Variants in NRXN3 observed in about 807,000 individuals in gnomAD.
NRXN3 encodes the protein neurexin 3.
In NRXN3, 32 loss-of-function variants were observed where a neutral mutation model predicts 137.6. The ratio of observed to expected loss-of-function variants is 0.23; its 90% CI spans 0.18 to 0.31. The LOEUF (loss-of-function observed/expected upper bound fraction) is 0.31, where lower values mean the gene tolerates loss of function less well. Among genes scored for constraint, NRXN3 ranks in the 10% least tolerant of loss-of-function variants. NRXN3 has a pLI of 1.00. For synonymous variants in NRXN3, 798 were observed against 784.5 expected, an observed-to-expected ratio of 1.02 and a Z score of -0.29; for missense variants, 1,574 against 2,062.5, an observed-to-expected ratio of 0.76 and a Z score of 4.59.
intron 15 of NRXN3, among the ~76,000 whole-genome samples, chr14:79,428,985 AGT>A (rs1212265828): frequency 6.6e-6 from 1 of 152,190 alleles, no homozygotes; most frequent in Non-Finnish European, 1.5e-5. Flanking sequence ...TTATGAGAAA[AGT>A]GTGTTTTTAA....
intron 19 of NRXN3, among the ~76,000 whole-genome samples, chr14:79,703,095 C>T (rs2098761681): frequency 6.6e-6 from 1 of 152,092 alleles, no homozygotes; most frequent in African/African-American, 2.4e-5. Flanking sequence ...CAATGCTCAG[C>T]ATGGATTGGA....
At chr14:78,753,157 G>T (rs925659380) in intron 8 of NRXN3, among the ~76,000 whole-genome samples, 13 of 152,134 alleles carry the variant, frequency 8.5e-5, no homozygotes, top group Non-Finnish European at 1.5e-4. Flanking sequence ...AAAATGAATT[G>T]CCTCCAAATT....
chr14:79,729,751 G>A (rs1429836271), intron 19 of NRXN3, among the ~76,000 whole-genome samples: 3 of 152,156 alleles, frequency 2.0e-5, no homozygotes, highest in Middle Eastern at 3.2e-3. Flanking sequence ...GCTCTGTGCT[G>A]GGAATTTTGT....
intron 10 of NRXN3, among the ~76,000 whole-genome samples, chr14:78,829,984 C>T (rs574682015): frequency 1.4e-4 from 21 of 152,058 alleles, no homozygotes; most frequent in African/African-American, 5.1e-4. Context: ...TAAGAATTGC[C>T]GAAAGAGAGG....
At chr14:79,304,205 G>A (rs2085644775) in intron 15 of NRXN3, among the ~76,000 whole-genome samples, 1 of 151,976 alleles carries the variant, frequency 6.6e-6, no homozygotes, top group Admixed American at 6.6e-5. Context: ...CCCCATTAGG[G>A]GACAGTTCAT....
chr14:78,336,096 T>C (rs990040741), intron 4 of NRXN3, among the ~76,000 whole-genome samples: 27 of 152,022 alleles, frequency 1.8e-4, no homozygotes, highest in African/African-American at 5.8e-4. Flanking sequence ...CCCACCCCCA[T>C]AGAGTATGAT....
intron 15 of NRXN3, among the ~76,000 whole-genome samples, chr14:79,427,041 G>A (rs1001635025): frequency 2.6e-5 from 4 of 152,100 alleles, no homozygotes; most frequent in Non-Finnish European, 5.9e-5. Context: ...TATTTGATCA[G>A]TTTTTTCCTT....
chr14:79,803,845 A>C (rs2099191392), intron 19 of NRXN3, among the ~76,000 whole-genome samples: 1 of 151,098 alleles, frequency 6.6e-6, no homozygotes, highest in African/African-American at 2.4e-5. Context: ...CCTGTCCCAA[A>C]AGACGGTTGT....
intron 15 of NRXN3, among the ~76,000 whole-genome samples, chr14:79,136,647 G>A (rs960763792): frequency 3.3e-5 from 5 of 152,112 alleles, no homozygotes; most frequent in Non-Finnish European, 5.9e-5. Flanking sequence ...CTCACAATGG[G>A]GCCAAGGTCT....
intron 15 of NRXN3, among the ~76,000 whole-genome samples, chr14:79,073,981 T>C (rs971576855): frequency 1.6e-4 from 25 of 152,206 alleles, no homozygotes; most frequent in African/African-American, 6.0e-4. Flanking sequence ...GAAAAGTACC[T>C]GCCATATGGT....
chr14:79,495,953 A>C (rs775687429), intron 16 of NRXN3, among the ~76,000 whole-genome samples: 55 of 151,776 alleles, frequency 3.6e-4, no homozygotes, highest in African/African-American at 1.1e-3. Flanking sequence ...GTGCTAAAAA[A>C]AAAAAACAAA....
intron 15 of NRXN3, among the ~76,000 whole-genome samples, chr14:79,108,289 C>A (rs1006187680): frequency 1.3e-5 from 2 of 152,070 alleles, no homozygotes; most frequent in African/African-American, 2.4e-5. Context: ...ATAGACAGAC[C>A]AATTCTCTTT....
chr14:78,948,019 A>C (rs2152934862), intron 10 of NRXN3, among the ~76,000 whole-genome samples: 1 of 152,264 alleles, frequency 6.6e-6, no homozygotes, highest in East Asian at 1.9e-4. Flanking sequence ...GTAACATTTG[A>C]GTTACTGCAT....
At chr14:79,727,766 A>G (rs2098900223) in intron 19 of NRXN3, among the ~76,000 whole-genome samples, 2 of 152,130 alleles carry the variant, frequency 1.3e-5, no homozygotes, top group African/African-American at 4.8e-5. Context: ...TTGTGCAAAT[A>G]TTATGCTCTT....
chr14:78,721,603 T>C (rs550156964), intron 8 of NRXN3, among the ~76,000 whole-genome samples: 1 of 152,160 alleles, frequency 6.6e-6, no homozygotes, highest in Non-Finnish European at 1.5e-5. Flanking sequence ...CAAATTTTCA[T>C]CTCCCTGATT....
At chr14:78,461,489 G>T (rs531561428) in intron 4 of NRXN3, among the ~76,000 whole-genome samples, 19 of 152,206 alleles carry the variant, frequency 1.2e-4, no homozygotes, top group Non-Finnish European at 2.1e-4. Flanking sequence ...TGCCATGGCT[G>T]GTATGCAACT....
chr14:78,394,562 G>A (rs1005562543), intron 4 of NRXN3, among the ~76,000 whole-genome samples: 1 of 151,486 alleles, frequency 6.6e-6, no homozygotes, highest in Non-Finnish European at 1.5e-5. Context: ...GTCTCATTTT[G>A]GTATCACGAT....
intron 15 of NRXN3, among the ~76,000 whole-genome samples, chr14:79,252,012 T>C (rs1372993341): frequency 1.3e-5 from 2 of 152,106 alleles, no homozygotes; most frequent in Admixed American, 6.5e-5. Flanking sequence ...AAGGTCTTCC[T>C]ATCTTCCCCA....
chr14:78,303,644 A>C (rs959272629), intron 4 of NRXN3, among the ~76,000 whole-genome samples: 42 of 152,066 alleles, frequency 2.8e-4, no homozygotes, highest in Admixed American at 1.9e-3. Context: ...CAGCTCCCCC[A>C]TCTCCAAAAG....
Sources: allele counts gnomAD v4.1 joint callset (sites outside exome capture counted in the v4.1 genomes callset), GRCh38; gene constraint gnomAD v4.1.1; transcripts MANE v1.5; gene names NCBI Gene and HGNC (gene_info 2026-07-23, HGNC 2026-07-21).